The following HS3ST4 variants were observed in gnomAD, a reference collection of about 807,000 sequenced individuals.
HS3ST4 encodes the protein heparan sulfate-glucosamine 3-sulfotransferase 4.
Under a neutral mutation model 29.2 loss-of-function variants are expected in HS3ST4, and 17 were observed. The observed-to-expected ratio is 0.58, with a 90% CI of 0.40 to 0.87. The LOEUF is 0.87. Ranked by LOEUF, HS3ST4 falls within the 40% of genes least tolerant of loss-of-function variation. The pLI is 0.00. For missense variants in HS3ST4, 627 were observed against 634.5 expected (o/e 0.99, Z 0.13); for synonymous variants, 314 against 285.7 (o/e 1.10, Z -1.00).
intron 1 of HS3ST4, among the ~76,000 whole-genome samples, chr16:26,002,162 C>G (rs1326934937): frequency 1.3e-5 from 2 of 152,086 alleles, no homozygotes; most frequent in Non-Finnish European, 1.5e-5. Flanking sequence ...CTTCACATAT[C>G]TGGCAGGAAA....
intron 1 of HS3ST4, among the ~76,000 whole-genome samples, chr16:25,802,973 C>A (rs868568269): frequency 7.0e-6 from 1 of 143,008 alleles, no homozygotes. Flanking sequence ...GTATATATTT[C>A]TTTCTCTGTT....
At chr16:26,031,879 T>A (rs1452683178) in intron 1 of HS3ST4, among the ~76,000 whole-genome samples, 2 of 152,146 alleles carry the variant, frequency 1.3e-5, no homozygotes, top group African/African-American at 4.8e-5. Context: ...TAAAACCCAA[T>A]GAAGTCTTCA....
At chr16:26,119,018 C>T (rs1477593015) in intron 1 of HS3ST4, among the ~76,000 whole-genome samples, 1 of 152,198 alleles carries the variant, frequency 6.6e-6, no homozygotes, top group East Asian at 1.9e-4. Flanking sequence ...ACTCAATCCT[C>T]ACAATAATAG....
At chr16:26,064,355 G>C (rs1288429754) in intron 1 of HS3ST4, among the ~76,000 whole-genome samples, 2 of 152,180 alleles carry the variant, frequency 1.3e-5, no homozygotes, top group Non-Finnish European at 2.9e-5. Flanking sequence ...TTAGGGTATA[G>C]AGGGTAGAAG....
intron 1 of HS3ST4, among the ~76,000 whole-genome samples, chr16:25,808,816 A>G (rs1395685189): frequency 7.2e-6 from 1 of 139,052 alleles, no homozygotes; most frequent in African/African-American, 2.8e-5. Context: ...CTTTTAGCCT[A>G]CAGATACTAT....
At chr16:25,740,264 A>G (rs1437032910) in intron 1 of HS3ST4, among the ~76,000 whole-genome samples, 1 of 152,218 alleles carries the variant, frequency 6.6e-6, no homozygotes, top group Non-Finnish European at 1.5e-5. Context: ...GAAATTGATG[A>G]TAGGTTGACT....
At chr16:25,938,866 T>C (rs1289005820) in intron 1 of HS3ST4, among the ~76,000 whole-genome samples, 1 of 152,238 alleles carries the variant, frequency 6.6e-6, no homozygotes, top group Non-Finnish European at 1.5e-5. Context: ...GAAGCACTTC[T>C]CACCTTTGCA....
intron 1 of HS3ST4, among the ~76,000 whole-genome samples, chr16:25,844,850 A>G (rs1483307484): frequency 1.3e-5 from 2 of 152,240 alleles, no homozygotes; most frequent in African/African-American, 4.8e-5. Flanking sequence ...CATATACACC[A>G]GGGAGTACTA....
chr16:25,981,748 T>C (rs777930816), intron 1 of HS3ST4, among the ~76,000 whole-genome samples: 24 of 152,172 alleles, frequency 1.6e-4, no homozygotes, highest in Non-Finnish European at 2.1e-4. Context: ...CTCTTCATTG[T>C]ATTCCCAGCC....
At chr16:25,776,214 C>T (rs1966847428) in intron 1 of HS3ST4, among the ~76,000 whole-genome samples, 1 of 152,192 alleles carries the variant, frequency 6.6e-6, no homozygotes, top group Non-Finnish European at 1.5e-5. Flanking sequence ...CTCAGTCACA[C>T]TGGCTATGAC....
At chr16:25,828,305 T>TTTATTTCC (rs1567249540) in intron 1 of HS3ST4, among the ~76,000 whole-genome samples, 1 of 76,144 alleles carries the variant, frequency 1.3e-5, no homozygotes, top group Admixed American at 1.6e-4. Flanking sequence ...TCTTTCCCTC[T>TTTATTTCC]CTCTCTCTCT....
intron 1 of HS3ST4, among the ~76,000 whole-genome samples, chr16:25,854,840 C>G (rs1338612978): frequency 6.6e-6 from 1 of 151,234 alleles, no homozygotes; most frequent in Non-Finnish European, 1.5e-5. Context: ...GAGGTTTATT[C>G]TGAGCCAATA....
At chr16:25,791,476 C>T (rs1374047723) in intron 1 of HS3ST4, among the ~76,000 whole-genome samples, 2 of 152,032 alleles carry the variant, frequency 1.3e-5, no homozygotes, top group Non-Finnish European at 2.9e-5. Context: ...TGGAATTACC[C>T]CCAAATTTAC....
intron 1 of HS3ST4, among the ~76,000 whole-genome samples, chr16:25,963,055 A>G (rs542994808): frequency 6.6e-6 from 1 of 152,316 alleles, no homozygotes; most frequent in African/African-American, 2.4e-5. Context: ...CAGGGGTAGC[A>G]GAAGAAAAAA....
chr16:25,915,954 T>C (rs1968289390), intron 1 of HS3ST4, among the ~76,000 whole-genome samples: 1 of 152,186 alleles, frequency 6.6e-6, no homozygotes, highest in Admixed American at 6.5e-5. Flanking sequence ...GCTGGGTGCC[T>C]GGCATGTAGC....
chr16:25,873,638 ATCCATCCATCCATCCGTCCG>A (rs71974146), intron 1 of HS3ST4, among the ~76,000 whole-genome samples: 40,866 of 132,714 alleles, frequency 0.31, 6,029 homozygotes, highest in East Asian at 0.48. Context: ...CCATCCATTC[ATCCATCCATCCATCCGTCCG>A]TCCATCCATC....
intron 1 of HS3ST4, among the ~76,000 whole-genome samples, chr16:25,909,423 G>T (rs1968214273): frequency 6.6e-6 from 1 of 152,046 alleles, no homozygotes; most frequent in South Asian, 2.1e-4. Context: ...TCCTGGACAT[G>T]CCCCAGGCCT....
intron 1 of HS3ST4, among the ~76,000 whole-genome samples, chr16:26,092,952 C>T (rs1338363075): frequency 2.6e-5 from 4 of 152,190 alleles, no homozygotes; most frequent in South Asian, 2.1e-4. Flanking sequence ...GTGCCTGACT[C>T]GGTGGGTCCT....
chr16:26,107,741 A>C (rs1166242550), intron 1 of HS3ST4, among the ~76,000 whole-genome samples: 1 of 152,190 alleles, frequency 6.6e-6, no homozygotes, highest in African/African-American at 2.4e-5. Flanking sequence ...CTTATGGCTG[A>C]GTAGTATTAC....
Sources: allele counts gnomAD v4.1 joint callset (sites outside exome capture counted in the v4.1 genomes callset), GRCh38; gene constraint gnomAD v4.1.1; transcripts MANE v1.5; gene names NCBI Gene and HGNC (gene_info 2026-07-23, HGNC 2026-07-21).